Variants in SYT14 observed in about 807,000 individuals in gnomAD.
SYT14 encodes the protein synaptotagmin 14.
In SYT14, 32 loss-of-function variants were observed where a neutral mutation model predicts 74.2. That is an observed-to-expected ratio of 0.43 (90% CI 0.33 to 0.58). SYT14 has a LOEUF of 0.58. SYT14 is among the 20% of genes least tolerant of loss of function. The probability of loss-of-function intolerance (pLI) is 0.05; values close to 1 mark genes in which losing one functional copy is unlikely to be tolerated. For synonymous variants in SYT14, 298 were observed against 337.7 expected (o/e 0.88, Z 1.29); for missense variants, 791 against 981.8 (o/e 0.81, Z 2.60).
At chr1:210,130,361 A>G (rs1279609832) in intron 7 of SYT14, among the ~76,000 whole-genome samples, 5 of 151,950 alleles carry the variant, frequency 3.3e-5, no homozygotes, top group South Asian at 2.1e-4. Flanking sequence ...TGACCATGAG[A>G]AAAAAAATGG....
intron 7 of SYT14, among the ~76,000 whole-genome samples, chr1:210,116,890 T>A (rs1453871176): frequency 6.6e-6 from 1 of 152,206 alleles, no homozygotes; most frequent in African/African-American, 2.4e-5. Flanking sequence ...TTATTCAGTT[T>A]CATATAATAT....
intron 2 of SYT14, among the ~76,000 whole-genome samples, chr1:209,969,438 G>A (rs977232248): frequency 4.0e-5 from 6 of 149,144 alleles, no homozygotes; most frequent in Non-Finnish European, 5.9e-5. Context: ...AATAATAGCC[G>A]TTCTGACTAG....
intron 7 of SYT14, among the ~76,000 whole-genome samples, chr1:210,133,844 T>C (rs1200240255): frequency 1.7e-4 from 26 of 150,056 alleles, no homozygotes; most frequent in Non-Finnish European, 3.4e-4. Flanking sequence ...TTTACTCTTT[T>C]TTTTTTTTTT....
intron 2 of SYT14, among the ~76,000 whole-genome samples, chr1:209,955,020 CT>C (rs2078971326): frequency 6.6e-6 from 1 of 152,116 alleles, no homozygotes; most frequent in African/African-American, 2.4e-5. Context: ...ATCACAACTT[CT>C]TTTTACCTCT....
intron 7 of SYT14, among the ~76,000 whole-genome samples, chr1:210,104,731 A>T (rs1437548212): frequency 6.6e-6 from 1 of 152,210 alleles, no homozygotes; most frequent in African/African-American, 2.4e-5. Context: ...ATTGATTAAT[A>T]ATGAAACTCT....
chr1:210,171,359 G>T (rs1031414757), exon 10 of SYT14: 2 of 149,368 alleles, frequency 1.3e-5, no homozygotes, highest in African/African-American at 4.9e-5. Context: ...ATTATCCAGA[G>T]CCTTTTTTAG....
chr1:210,052,019 A>G (rs1217679538), intron 5 of SYT14, among the ~76,000 whole-genome samples: 1 of 152,104 alleles, frequency 6.6e-6, no homozygotes, highest in Admixed American at 6.6e-5. Flanking sequence ...TGTATAGTCA[A>G]ATTTCTTGAT....
chr1:210,082,746 C>A (rs370346021), intron 5 of SYT14, among the ~76,000 whole-genome samples: 1 of 152,182 alleles, frequency 6.6e-6, no homozygotes, highest in African/African-American at 2.4e-5. Context: ...CCTTGGTCTT[C>A]CAGATAGCCT....
intron 5 of SYT14, among the ~76,000 whole-genome samples, chr1:210,030,824 C>A (rs1419718524): frequency 6.6e-6 from 1 of 152,160 alleles, no homozygotes; most frequent in Non-Finnish European, 1.5e-5. Flanking sequence ...CTCACAAGAA[C>A]AGTTTCTTGA....
At chr1:210,087,078 T>C (rs2081749308) in intron 5 of SYT14, among the ~76,000 whole-genome samples, 1 of 152,174 alleles carries the variant, frequency 6.6e-6, no homozygotes, top group Non-Finnish European at 1.5e-5. Context: ...GGCTCTGATA[T>C]CCGAGGTCAG....
intron 2 of SYT14, 59 bp downstream of exon 2, chr1:209,952,815 A>T: frequency 6.8e-7 from 1 of 1,467,888 alleles, no homozygotes; most frequent in Non-Finnish European, 9.5e-7. Context: ...AAAGTGTATA[A>T]TAGATTTTAG....
intron 1 of SYT14, among the ~76,000 whole-genome samples, chr1:209,941,854 T>A (rs1420073046): frequency 1.3e-5 from 2 of 152,228 alleles, no homozygotes; most frequent in Non-Finnish European, 2.9e-5. Context: ...TTAAGAATGA[T>A]CAAGTTCTTT....
At chr1:210,156,128 A>G (rs548887462) in intron 8 of SYT14, among the ~76,000 whole-genome samples, 2 of 152,316 alleles carry the variant, frequency 1.3e-5, no homozygotes, top group South Asian at 2.1e-4. Context: ...TTAATTTTTC[A>G]TAGTATCTGC....
chr1:210,083,288 G>T (rs2081652753), intron 5 of SYT14, among the ~76,000 whole-genome samples: 1 of 152,212 alleles, frequency 6.6e-6, no homozygotes, highest in Non-Finnish European at 1.5e-5. Context: ...GCCATGCCCA[G>T]CCGAGTAATG....
intron 7 of SYT14, among the ~76,000 whole-genome samples, chr1:210,155,318 AGTTTT>A (rs1416496927): frequency 2.6e-5 from 4 of 152,158 alleles, no homozygotes; most frequent in Non-Finnish European, 4.4e-5. Context: ...AATAGCAGGT[AGTTTT>A]GTTTTGTTTA....
rs550040902 is a variant in SYT14 at position 209,983,328 on chromosome 1, C to T, written c.-485-30305C>T. Among the ~76,000 whole-genome samples, 365 of 152,176 alleles carry T rather than the reference C, an allele frequency of 2.4e-3. 2 individuals carry two copies. Among genetic ancestry groups the T allele is most frequent in the Non-Finnish European group, 3.8e-3 (260 of 68,022 alleles). On this transcript the variant is annotated intron_variant, in intron 2 of 9. Coordinates refer to ENST00000637265, the Ensembl canonical transcript of SYT14. ...TTTTTCCTCTTCTCCTTTTGGTTCT[C>T]CTATGATACATGTGTTGGTATGTTT...
intron 5 of SYT14, among the ~76,000 whole-genome samples, chr1:210,037,790 T>A (rs752508266): frequency 2.0e-5 from 3 of 152,058 alleles, no homozygotes; most frequent in Non-Finnish European, 4.4e-5. Context: ...TCCACTCTGG[T>A]CGAGGAAGAT....
chr1:210,050,087 A>G (rs1430699005), intron 5 of SYT14, among the ~76,000 whole-genome samples: 1 of 152,104 alleles, frequency 6.6e-6, no homozygotes, highest in Non-Finnish European at 1.5e-5. Flanking sequence ...TTTCTGTCAC[A>G]TTGTCAGGCT....
chr1:210,094,828 C>T (rs1256090736), intron 6 of SYT14, among the ~76,000 whole-genome samples: 1 of 151,676 alleles, frequency 6.6e-6, no homozygotes, highest in Non-Finnish European at 1.5e-5. Context: ...AAGATGGGTA[C>T]CTAAAGATGT....
Sources: allele counts gnomAD v4.1 joint callset (sites outside exome capture counted in the v4.1 genomes callset), GRCh38; gene constraint gnomAD v4.1.1; transcripts MANE v1.5; gene names NCBI Gene and HGNC (gene_info 2026-07-23, HGNC 2026-07-21).